Variants in CDK19 observed in about 807,000 individuals in gnomAD.
CDK19 encodes the protein cyclin-dependent kinase 19.
Under a neutral mutation model 68.3 loss-of-function variants are expected in CDK19, and 20 were observed. The observed-to-expected ratio is 0.29, with a 90% CI of 0.21 to 0.43. The LOEUF is 0.43. CDK19 is among the 20% of genes least tolerant of loss of function. The pLI is 1.00. For synonymous variants in CDK19, 221 were observed against 222.8 expected (o/e 0.99, Z 0.07); for missense variants, 339 against 623.5 (o/e 0.54, Z 4.86).
At chr6:110,654,735 G>A (rs1249587362) in intron 4 of CDK19, among the ~76,000 whole-genome samples, 3 of 152,232 alleles carry the variant, frequency 2.0e-5, no homozygotes, top group Non-Finnish European at 2.9e-5. Context: ...GAGGTCAGGA[G>A]TTCGAGACCA....
chr6:110,755,146 T>TTCTG (rs1160240921), intron 1 of CDK19, among the ~76,000 whole-genome samples: 1 of 151,904 alleles, frequency 6.6e-6, no homozygotes, highest in African/African-American at 2.4e-5. Flanking sequence ...GTTCAAGCTA[T>TTCTG]TCTGCTGCCT....
chr6:110,736,246 G>T (rs778054695), intron 2 of CDK19, among the ~76,000 whole-genome samples: 1 of 152,150 alleles, frequency 6.6e-6, no homozygotes, highest in East Asian at 1.9e-4. Flanking sequence ...GAGGCTGAGA[G>T]AGGAGAATCG....
intron 4 of CDK19, among the ~76,000 whole-genome samples, chr6:110,644,439 T>C (rs764876115): frequency 2.0e-5 from 3 of 151,924 alleles, no homozygotes; most frequent in Non-Finnish European, 2.9e-5. Flanking sequence ...AAATAAGAAG[T>C]AGTATTTGAT....
At chr6:110,798,631 A>C (rs1299766519) in intron 1 of CDK19, among the ~76,000 whole-genome samples, 1 of 148,584 alleles carries the variant, frequency 6.7e-6, no homozygotes, top group African/African-American at 2.5e-5. Flanking sequence ...GTCTCCAGAA[A>C]AAAAAAAAAA....
rs150125841 is a variant in CDK19 at position 110,698,629 on chromosome 6, T to G, written c.205-28088A>C. ...TAAAGAACTAAGCATAGATCCACCA[T>G]TCAATCCAGCAATCCCACTACCAGG... On this transcript the variant is annotated intron_variant, in intron 2 of 12. Transcript: ENST00000368911. 6.2e-4 allele frequency among the ~76,000 whole-genome samples: 95 copies of G among 152,290 alleles called. 1 individual carries two copies. The East Asian group carries it at 0.018, about 28-fold the overall frequency.
chr6:110,661,844 C>T (rs1781635548), intron 4 of CDK19, among the ~76,000 whole-genome samples: 1 of 152,222 alleles, frequency 6.6e-6, no homozygotes, highest in Non-Finnish European at 1.5e-5. Context: ...TTTTGATATA[C>T]TGTACCATGT....
At chr6:110,743,579 T>C (rs1777842626) in intron 2 of CDK19, among the ~76,000 whole-genome samples, 2 of 152,112 alleles carry the variant, frequency 1.3e-5, no homozygotes, top group East Asian at 3.9e-4. Context: ...AAGGCGGAAA[T>C]TGCACTGAGC....
intron 2 of CDK19, chr6:110,722,482 G>A (rs887575334): frequency 6.6e-6 from 1 of 150,668 alleles, no homozygotes; most frequent in African/African-American, 2.4e-5. Flanking sequence ...GAGGATCAGT[G>A]GAACTCAGGA....
chr6:110,806,340 CA>C (rs57577772), intron 1 of CDK19, among the ~76,000 whole-genome samples: 4,007 of 141,780 alleles, frequency 0.028, 81 homozygotes, highest in South Asian at 0.094. Context: ...AACTCCATCT[CA>C]AAAAAAAAAA....
intron 1 of CDK19, among the ~76,000 whole-genome samples, chr6:110,760,496 G>A (rs1779160316): frequency 6.6e-6 from 1 of 151,778 alleles, no homozygotes; most frequent in Admixed American, 6.6e-5. Context: ...GGGAGGCTGA[G>A]GCGGGAGGAT....
intron 12 of CDK19, among the ~76,000 whole-genome samples, chr6:110,618,440 C>CT (rs202154897): frequency 0.019 from 2,911 of 152,334 alleles, 37 homozygotes; most frequent in Non-Finnish European, 0.032. Context: ...GCCAGATTCT[C>CT]TCTTGCGTAT....
In CDK19 at chr6:110,623,339, T is replaced by C; in HGVS notation, c.884A>G (p.Lys295Arg). 6.2e-7 allele frequency: 1 copy of C among 1,613,918 alleles called. No homozygotes were observed. The highest frequency in any genetic ancestry group is 8.5e-7 in the Non-Finnish European group (1 of 1,179,850). ...CTTGACCTTGTGTTTCTCCATGTAC[T>C]TTATGAGGCTACTGTTGGCATACCT... ...RTTYANSSLIKYMEKHKVKPD... is the reference protein window; with the variant it reads ...RTTYANSSLIRYMEKHKVKPD... Residue 295 changes from lysine to arginine, a missense_variant, in exon 9 of 13, where the codon AAG becomes AGG. Transcript: ENST00000368911.
chr6:110,614,605 G>A lies in CDK19; in HGVS notation c.1439C>T (p.Thr480Ile). The A allele has an allele frequency of 6.2e-7, 1 of 1,613,888 alleles. No individual in the cohort carries two copies. Among genetic ancestry groups the A allele is most frequent in the Non-Finnish European group, 8.5e-7 (1 of 1,179,766 alleles). ...CTGAGACGAGGAAGAGTAGCCAAGT[G>A]TGCTCTGGGACTGAGAGGATCCCTG... The part of the protein sequence containing the change: ...SVQGSSQSQS[T>I]LGYSSSSQQS... The change falls in exon 13 of 13, where the codon ACA (threonine) becomes ATA (isoleucine). Residue 480 changes from threonine to isoleucine, a missense_variant. Physicochemically the swap from Thr to Ile is moderately conservative, Grantham distance 89 (BLOSUM62 -1). This residue lies in a region of CDK19 where 155 missense variants were observed against 222.7 expected (regional missense o/e 0.70). Transcript: ENST00000368911.
At chr6:110,638,072 A>G (rs1779897541) in intron 5 of CDK19, among the ~76,000 whole-genome samples, 1 of 152,142 alleles carries the variant, frequency 6.6e-6, no homozygotes, top group Non-Finnish European at 1.5e-5. Flanking sequence ...TTTTTTTAGA[A>G]CATTCAGGAT....
chr6:110,737,446 T>C (rs755587642), intron 2 of CDK19, among the ~76,000 whole-genome samples: 6 of 152,128 alleles, frequency 3.9e-5, no homozygotes, highest in Admixed American at 2.0e-4. Context: ...ATAGGAAACA[T>C]AGTAGCTTGA....
intron 4 of CDK19, among the ~76,000 whole-genome samples, chr6:110,666,424 C>CAAAAAAAAA (rs57791161): frequency 2.1e-5 from 1 of 47,926 alleles, no homozygotes; most frequent in African/African-American, 6.6e-5. Flanking sequence ...GACTCTGTCT[C>CAAAAAAAAA]AAAAAAAAAA....
intron 12 of CDK19, among the ~76,000 whole-genome samples, chr6:110,619,501 G>A (rs553156048): frequency 2.6e-5 from 4 of 151,662 alleles, no homozygotes; most frequent in East Asian, 3.9e-4. Flanking sequence ...TTACAGGGTC[G>A]TGTTGGAGGG....
At chr6:110,733,702 A>G (rs1218256007) in intron 2 of CDK19, among the ~76,000 whole-genome samples, 2 of 151,746 alleles carry the variant, frequency 1.3e-5, no homozygotes, top group African/African-American at 2.4e-5. Context: ...TATTTTATAT[A>G]TATCGCTAAA....
intron 1 of CDK19, among the ~76,000 whole-genome samples, chr6:110,760,396 CA>C (rs34613571): frequency 0.055 from 2,206 of 39,780 alleles, 22 homozygotes; most frequent in East Asian, 0.33. Flanking sequence ...GGCTTTGTCT[CA>C]AAAAAAAAAA....
Sources: allele counts gnomAD v4.1 joint callset (sites outside exome capture counted in the v4.1 genomes callset), GRCh38; gene constraint gnomAD v4.1.1; regional missense constraint gnomAD v4.1.1; transcripts MANE v1.5; gene names NCBI Gene and HGNC (gene_info 2026-07-23, HGNC 2026-07-21).